TNFSF15: variants seen among roughly 807,000 people sequenced by gnomAD.
The protein encoded by TNFSF15 is TNF superfamily member 15, also known as tumor necrosis factor ligand superfamily member 15.
Under a neutral mutation model 26.4 loss-of-function variants are expected in TNFSF15, and 15 were observed. The observed-to-expected ratio is 0.57, with a 90% confidence interval of 0.38 to 0.87. TNFSF15 has a LOEUF of 0.87. TNFSF15 is among the 40% of genes least tolerant of loss of function. TNFSF15 has a pLI of 0.00. For synonymous variants in TNFSF15, 116 were observed against 115.0 expected (o/e 1.01, Z -0.06); for missense variants, 290 against 306.1 (o/e 0.95, Z 0.39).
Position 114,790,255 on chromosome 9 carries a change from T to C in TNFSF15, c.*197A>G, listed in dbSNP as rs1829573266. ...AATATATTTGCTCTCTTCAGCCTTTTTCCAGTTAGTACTCTCATCAGTAAG... is the reference window on the plus strand; with the variant it reads ...AATATATTTGCTCTCTTCAGCCTTTCTCCAGTTAGTACTCTCATCAGTAAG... On this transcript the variant is annotated 3_prime_UTR_variant, in exon 4 of 4. Coordinates refer to ENST00000374045, the MANE Select transcript of TNFSF15 (RefSeq NM_005118.4). 1 of 527,104 alleles carries C rather than the reference T, an allele frequency of 1.9e-6. No individual in the cohort carries two copies. Among genetic ancestry groups the C allele is most frequent in the South Asian group, 3.0e-5 (1 of 33,024 alleles). The allele number at this position is 527,104 out of a possible 1,614,324, so 32.7% of individuals were successfully genotyped here. A position where few individuals can be genotyped will look rare whatever the true frequency, so the allele number is the denominator to read the frequency against.
rs1292605353 is a variant in TNFSF15 at position 114,785,538 on chromosome 9, C to G, written c.*4914G>C. The G allele has an allele frequency of 6.6e-6, 1 of 152,208 alleles. No homozygotes were observed. Among genetic ancestry groups the G allele is most frequent in the East Asian group, 1.9e-4 (1 of 5,200 alleles). The allele number at this position is 152,208 out of a possible 1,614,324, so 9.4% of individuals were successfully genotyped here. A position where few individuals can be genotyped will look rare whatever the true frequency, so the allele number is the denominator to read the frequency against. ...AGAGATCCTTTGGCTTAATCTCTCC[C>G]CCAACCTCTGTGAAGAATAGCTTCT... is the stretch of plus-strand genomic sequence containing the variant. On this transcript the variant is annotated 3_prime_UTR_variant, in exon 4 of 4. Coordinates refer to ENST00000374045, the MANE Select transcript of TNFSF15 (RefSeq NM_005118.4).
In TNFSF15 at chr9:114,790,371, C is replaced by T; in HGVS notation, c.*81G>A. 1 of 1,414,434 alleles carries T rather than the reference C, an allele frequency of 7.1e-7. No individual in the cohort carries two copies. Among genetic ancestry groups the T allele is most frequent in the Non-Finnish European group, 9.6e-7 (1 of 1,044,442 alleles). 87.6% of individuals were successfully genotyped at this position (1,414,434 alleles called of 1,614,324 possible). A position where few individuals can be genotyped will look rare whatever the true frequency, so the allele number is the denominator to read the frequency against. Reference sequence around the variant, plus strand: ...CCCTACTCCCGGCCCCAAGAAAACCCCTGGTTATAATTACATTTGAACAAA... The same window carrying T: ...CCCTACTCCCGGCCCCAAGAAAACCTCTGGTTATAATTACATTTGAACAAA... On this transcript the variant is annotated 3_prime_UTR_variant, in exon 4 of 4. Coordinates refer to ENST00000374045, the MANE Select transcript of TNFSF15 (RefSeq NM_005118.4).
intron 1 of TNFSF15, 77 bp from the exon 2 acceptor site, chr9:114,793,645 G>A: frequency 2.1e-6 from 3 of 1,405,638 alleles, no homozygotes; most frequent in Non-Finnish European, 2.0e-6. Flanking sequence ...CATAGCACAG[G>A]TATGATTACA....
chr9:114,800,298 C>T (rs1342904359), intron 1 of TNFSF15, among the ~76,000 whole-genome samples: 1 of 152,064 alleles, frequency 6.6e-6, no homozygotes, highest in Admixed American at 6.5e-5. Context: ...CATTTCCCAC[C>T]CCTCCAACCC....
intron 2 of TNFSF15, among the ~76,000 whole-genome samples, chr9:114,792,681 T>A (rs1179822957): frequency 2.6e-5 from 4 of 152,210 alleles, no homozygotes; most frequent in African/African-American, 9.6e-5. Flanking sequence ...AAATGAATCT[T>A]GGCCCCATGG....
At chr9:114,799,372 A>G (rs1829711374) in intron 1 of TNFSF15, among the ~76,000 whole-genome samples, 1 of 152,202 alleles carries the variant, frequency 6.6e-6, no homozygotes, top group Admixed American at 6.6e-5. Context: ...ATATGATTGT[A>G]GGCTGTATTG....
chr9:114,802,731 GAGGCTCAGTAACTGGTAT>G (rs1215888075), intron 1 of TNFSF15, among the ~76,000 whole-genome samples: 1 of 152,186 alleles, frequency 6.6e-6, no homozygotes, highest in African/African-American at 2.4e-5. Context: ...GGAGAGGGGT[GAGGCTCAGTAACTGGTAT>G]AGTTGTGGTA....
intron 1 of TNFSF15, among the ~76,000 whole-genome samples, chr9:114,797,564 A>C (rs1564346087): frequency 6.6e-6 from 1 of 152,214 alleles, no homozygotes; most frequent in Non-Finnish European, 1.5e-5. Context: ...CTTATTTGAG[A>C]AAAGGTTTAT....
Position 114,784,765 on chromosome 9 carries a change from A to G in TNFSF15, c.*5687T>C, listed in dbSNP as rs914130749. The G allele has an allele frequency of 1.3e-5, 2 of 152,248 alleles. No individual in the cohort carries two copies. The highest frequency in any genetic ancestry group is 2.4e-5 in the African/African-American group (1 of 41,460). The allele number at this position is 152,248 out of a possible 1,614,324, so 9.4% of individuals were successfully genotyped here. A position where few individuals can be genotyped will look rare whatever the true frequency, so the allele number is the denominator to read the frequency against. ...ACTAGTACCCAAAGACATGGGATGC[A>G]TACCAGTTAAGTACGTATCCAACAA... On this transcript the variant is annotated 3_prime_UTR_variant, in exon 4 of 4. Coordinates refer to ENST00000374045, the MANE Select transcript of TNFSF15 (RefSeq NM_005118.4).
At chr9:114,801,159 G>A (rs867729586) in intron 1 of TNFSF15, among the ~76,000 whole-genome samples, 2 of 152,190 alleles carry the variant, frequency 1.3e-5, no homozygotes, top group South Asian at 2.1e-4. Context: ...TGCCACTGCT[G>A]GGCTTGGGCT....
At chr9:114,796,324 C>T (rs758263602) in intron 1 of TNFSF15, among the ~76,000 whole-genome samples, 1 of 152,176 alleles carries the variant, frequency 6.6e-6, no homozygotes, top group Middle Eastern at 3.2e-3. Context: ...TATCTAGATA[C>T]TACACTGCTT....
chr9:114,791,358 A>G (rs553398777), intron 3 of TNFSF15: 4 of 213,882 alleles, frequency 1.9e-5, no homozygotes, highest in Admixed American at 1.6e-4. Context: ...TCTTTGCCCC[A>G]TAAGTGATTG....
chr9:114,791,807 T>C (rs1321303295), intron 3 of TNFSF15: 1 of 168,084 alleles, frequency 5.9e-6, no homozygotes, highest in Non-Finnish European at 1.5e-5. Context: ...ATGAAAATTC[T>C]TTGGAAACAC....
At chr9:114,803,035 G>A (rs773669173) in intron 1 of TNFSF15, among the ~76,000 whole-genome samples, 8 of 152,144 alleles carry the variant, frequency 5.3e-5, no homozygotes, top group Non-Finnish European at 1.0e-4. Context: ...GCGATCATCT[G>A]ACTGGTTTTT....
At chr9:114,793,589 G>C in intron 1 of TNFSF15, 21 bp from the exon 2 acceptor site, 1 of 1,613,048 alleles carries the variant, frequency 6.2e-7, no homozygotes, top group Non-Finnish European at 8.5e-7. Flanking sequence ...AGAAAGTATA[G>C]TTTAGACCAA....
In TNFSF15 at chr9:114,798,899, A is replaced by G. The variant is rs531499325; in HGVS notation, c.211-5331T>C. 3.9e-5 allele frequency among the ~76,000 whole-genome samples: 6 copies of G among 152,346 alleles called. No individual in the cohort carries two copies. The East Asian group carries it at 1.2e-3, about 29-fold the overall frequency. The stretch of plus-strand genomic sequence containing the variant: ...TCTCTATTCATAAACAGGGAGAGAT[A>G]TTCATCTCTTGCTGTCATAAATGCT... On this transcript the variant is annotated intron_variant, in intron 1 of 3. Transcript: ENST00000374045.
In TNFSF15 at chr9:114,805,916, C is replaced by A. The variant is rs753318529; in HGVS notation, c.97G>T (p.Ala33Ser). 1.4e-5 allele frequency: 22 copies of A among 1,614,084 alleles called. No individual in the cohort carries two copies. Among genetic ancestry groups the A allele is most frequent in the Non-Finnish European group, 1.9e-5 (22 of 1,180,022 alleles). Residue 33 changes from alanine to serine, a missense_variant, in exon 1 of 4, where the codon GCA becomes TCA. Ala to Ser is a moderately conservative substitution (Grantham distance 99). This residue lies in a region of TNFSF15 where 179 missense variants were observed against 165.9 expected (regional missense o/e 1.08). Transcript: ENST00000374045. ...SCRPKARSSSARWALTCCLVL... is the reference protein window; with the variant it reads ...SCRPKARSSSSRWALTCCLVL... ...AGGCAGCAGGTGAGAGCCCAGCGTGCGCTGCTGCTCCTGGCCTTGGGCCTG... is the reference window on the plus strand; with the variant it reads ...AGGCAGCAGGTGAGAGCCCAGCGTGAGCTGCTGCTCCTGGCCTTGGGCCTG...
intron 1 of TNFSF15, among the ~76,000 whole-genome samples, chr9:114,805,149 G>A (rs541782628): frequency 1.3e-5 from 2 of 152,230 alleles, no homozygotes; most frequent in South Asian, 4.1e-4. Flanking sequence ...TAGACAACCA[G>A]GCAGGAGGTT....
In TNFSF15 at chr9:114,805,828, T is replaced by C. The variant is rs749472080; in HGVS notation, c.185A>G (p.Gln62Arg). Residue 62 changes from glutamine to arginine, a missense_variant, in exon 1 of 4, where the codon CAG becomes CGG. Around this residue, in one of 3 missense-constraint regions of TNFSF15, gnomAD observed 179 missense variants for 165.9 expected, o/e 1.08. Coordinates refer to ENST00000374045, the MANE Select transcript of TNFSF15 (RefSeq NM_005118.4). ...TYLLVSQLRAQGEACVQFQAL... is the reference protein window; with the variant it reads ...TYLLVSQLRARGEACVQFQAL... ...CTGGAACTGCACACAGGCCTCTCCC[T>C]GGGCCCGGAGCTGGCTGACAAGCAG... is the stretch of plus-strand genomic sequence containing the variant. 56 of 1,613,446 alleles carry C rather than the reference T, an allele frequency of 3.5e-5. No homozygotes were observed. The highest frequency in any genetic ancestry group is 4.5e-5 in the Non-Finnish European group (53 of 1,180,040).
Sources: gnomAD v4.1 joint callset for allele counts (sites outside exome capture counted in the v4.1 genomes callset) on GRCh38, gnomAD v4.1.1 for gene constraint, gnomAD v4.1.1 regional missense constraint, MANE v1.5 for transcripts, NCBI Gene and HGNC (gene_info 2026-07-23, HGNC 2026-07-21) for gene names.